Variants in SHOC2 observed in about 807,000 individuals in gnomAD.
The protein encoded by SHOC2 is leucine-rich repeat protein SHOC-2.
SHOC2 carries 4 observed loss-of-function variants against 50.2 expected under a neutral mutation model. That is an observed-to-expected ratio of 0.08 (90% CI 0.04 to 0.18). SHOC2 has a LOEUF of 0.18. Among genes scored for constraint, SHOC2 ranks in the 10% least tolerant of loss-of-function variants. The pLI, the probability that SHOC2 is intolerant of heterozygous loss-of-function variation, is 1.00. For synonymous variants in SHOC2, 218 were observed against 244.5 expected (o/e 0.89, Z 1.01); for missense variants, 388 against 669.6 (o/e 0.58, Z 4.64).
At chr10:110,958,380 A>C (rs1341560519) in intron 1 of SHOC2, among the ~76,000 whole-genome samples, 2 of 151,866 alleles carry the variant, frequency 1.3e-5, no homozygotes, top group Non-Finnish European at 2.9e-5. Flanking sequence ...CGCCCAGCTA[A>C]TTTTTGTATT....
intron 2 of SHOC2, 69 bp from the exon 3 acceptor site, chr10:110,985,559 T>G: frequency 8.7e-7 from 1 of 1,147,606 alleles, no homozygotes; most frequent in South Asian, 1.3e-5. Flanking sequence ...TTTATTTTCT[T>G]GCTTAGAAGT....
intron 3 of SHOC2, 50 bp downstream of exon 3, chr10:110,985,815 A>G (rs370240398): frequency 8.8e-6 from 13 of 1,477,428 alleles, no homozygotes; most frequent in African/African-American, 6.9e-5. Flanking sequence ...CTAACTGGAT[A>G]TTAATAGGAC....
intron 1 of SHOC2, among the ~76,000 whole-genome samples, chr10:110,940,690 T>C (rs1847119334): frequency 6.6e-6 from 1 of 152,210 alleles, no homozygotes; most frequent in Non-Finnish European, 1.5e-5. Flanking sequence ...TCAGTTCCTC[T>C]CTTAGTTATT....
chr10:110,958,455 G>T (rs563452481), intron 1 of SHOC2, among the ~76,000 whole-genome samples: 1 of 152,004 alleles, frequency 6.6e-6, no homozygotes, highest in Non-Finnish European at 1.5e-5. Context: ...CTCCTGATCC[G>T]TCTGCCTCAG....
intron 2 of SHOC2, among the ~76,000 whole-genome samples, chr10:110,978,968 G>A (rs1847924032): frequency 6.6e-6 from 1 of 152,218 alleles, no homozygotes; most frequent in Non-Finnish European, 1.5e-5. Context: ...CTATTGTTGT[G>A]TAACAAATTA....
chr10:110,947,166 A>ACTC (rs1847260997), intron 1 of SHOC2, among the ~76,000 whole-genome samples: 2 of 152,190 alleles, frequency 1.3e-5, no homozygotes, highest in Non-Finnish European at 2.9e-5. Context: ...GAGTCAAGTG[A>ACTC]GCCCCTAACT....
intron 1 of SHOC2, chr10:110,937,240 C>T: frequency 2.7e-6 from 3 of 1,106,362 alleles, no homozygotes; most frequent in Admixed American, 1.7e-5. Context: ...CCATCTTCGG[C>T]TGCCCCTTGG....
intron 3 of SHOC2, among the ~76,000 whole-genome samples, chr10:110,992,325 C>T (rs1848199408): frequency 6.6e-6 from 1 of 152,088 alleles, no homozygotes; most frequent in African/African-American, 2.4e-5. Context: ...AACTGTTAGT[C>T]TGCCTTGTTG....
intron 1 of SHOC2, among the ~76,000 whole-genome samples, chr10:110,959,291 A>C (rs1334491992): frequency 6.6e-6 from 1 of 152,182 alleles, no homozygotes; most frequent in Non-Finnish European, 1.5e-5. Flanking sequence ...ATAACAAATA[A>C]CTCTTAAAGA....
intron 1 of SHOC2, chr10:110,920,191 C>G (rs1044667461): frequency 1.1e-4 from 17 of 152,510 alleles, no homozygotes; most frequent in African/African-American, 4.1e-4. Context: ...CCTTGCTCTC[C>G]CGTTCTCCTC....
intron 1 of SHOC2, among the ~76,000 whole-genome samples, chr10:110,956,773 A>C (rs1564711670): frequency 6.6e-6 from 1 of 152,172 alleles, no homozygotes; most frequent in Non-Finnish European, 1.5e-5. Flanking sequence ...TTTATGAGAA[A>C]TAAAAGAAAA....
At position 111,007,746 on chromosome 10, in the gene SHOC2, T is replaced by C. The variant is rs1848497103; in HGVS notation, c.1284+93T>C. The C allele has an allele frequency of 2.4e-6, 3 of 1,249,848 alleles. No individual in the cohort carries two copies. In the African/African-American group the frequency reaches 4.4e-5, roughly 19 times the overall value. 77.4% of individuals were successfully genotyped at this position (1,249,848 alleles called of 1,614,324 possible). ...TTTAAATAAGCAATTTCTATTTGGG[T>C]GAATGTCATAATTAGAAATGTTAGA... On this transcript the variant is annotated intron_variant, in intron 6 of 8. Coordinates refer to ENST00000369452, the MANE Select transcript of SHOC2 (RefSeq NM_007373.4).
At chr10:110,928,585 A>T (rs538739955) in intron 1 of SHOC2, among the ~76,000 whole-genome samples, 1 of 152,210 alleles carries the variant, frequency 6.6e-6, no homozygotes, top group East Asian at 1.9e-4. Flanking sequence ...AAAAGGATGG[A>T]CTTAAATTTG....
intron 1 of SHOC2, among the ~76,000 whole-genome samples, chr10:110,955,877 GAGGA>G (rs1847451930): frequency 6.6e-6 from 1 of 152,174 alleles, no homozygotes; most frequent in South Asian, 2.1e-4. Context: ...GAAGAGTTAG[GAGGA>G]AGGAAGGGTA....
At chr10:110,927,659 T>C (rs566242638) in intron 1 of SHOC2, among the ~76,000 whole-genome samples, 10 of 152,326 alleles carry the variant, frequency 6.6e-5, no homozygotes, top group African/African-American at 2.2e-4. Context: ...CCTCCTGTTA[T>C]ATAATAGCTT....
intron 1 of SHOC2, among the ~76,000 whole-genome samples, chr10:110,951,164 T>A (rs56350255): frequency 6.6e-6 from 1 of 152,130 alleles, no homozygotes; most frequent in Non-Finnish European, 1.5e-5. Context: ...ATCCAAAATA[T>A]ATTTAAGAAC....
chr10:110,981,720 G>A (rs1847979332), intron 2 of SHOC2, among the ~76,000 whole-genome samples: 1 of 151,940 alleles, frequency 6.6e-6, no homozygotes, highest in African/African-American at 2.4e-5. Flanking sequence ...TCTTTAGACT[G>A]TTGATATGGT....
Position 110,964,599 on chromosome 10 carries a change from A to G in SHOC2, c.241A>G (p.Thr81Ala), listed in dbSNP as rs759246140. 5.0e-6 allele frequency: 8 copies of G among 1,614,126 alleles called. No individual in the cohort carries two copies. In the Admixed American group the frequency reaches 5.0e-5, roughly 10 times the overall value. Reference protein sequence around the residue: ...TIKRPNPAPGTRKKSSNAEVI... With the variant: ...TIKRPNPAPGARKKSSNAEVI... ...CAAACGGCCAAACCCAGCACCTGGG[A>G]CTAGAAAAAAATCCAGCAATGCAGA... Residue 81 changes from threonine to alanine, a missense_variant, in exon 2 of 9, where the codon ACT (threonine) becomes GCT (alanine). This residue lies in a region of SHOC2 where 121 missense variants were observed against 145.5 expected (regional missense o/e 0.83). Transcript: ENST00000369452. The surrounding 1 kb of genome is among the most constrained non-coding windows in gnomAD (Gnocchi z 4.9).
At chr10:110,919,473 C>CG, upstream of SHOC2, 1 of 391,126 alleles carries the variant, frequency 2.6e-6, no homozygotes. Context: ...TAGCGAGTGA[C>CG]GGGCCCACGG....
Sources: gnomAD v4.1 joint callset for allele counts (sites outside exome capture counted in the v4.1 genomes callset) on GRCh38, gnomAD v4.1.1 for gene constraint, gnomAD v4.1.1 regional missense constraint, Gnocchi (gnomAD v3.1) non-coding constraint, MANE v1.5 for transcripts, NCBI Gene and HGNC (gene_info 2026-07-23, HGNC 2026-07-21) for gene names.